The following CDH8 variants were observed in gnomAD, a reference collection of about 807,000 sequenced individuals.
The protein encoded by CDH8 is cadherin-8.
Under a neutral mutation model 68.1 loss-of-function variants are expected in CDH8, and 17 were observed. The ratio of observed to expected loss-of-function variants is 0.25; its 90% CI spans 0.17 to 0.37. The LOEUF (loss-of-function observed/expected upper bound fraction) is 0.37. Ranked by LOEUF, CDH8 falls within the 10% of genes least tolerant of loss-of-function variation. The probability of loss-of-function intolerance (pLI) is 1.00; values close to 1 mark genes in which losing one functional copy is unlikely to be tolerated. For synonymous variants in CDH8, 372 were observed against 365.1 expected, an observed-to-expected ratio of 1.02 and a Z score of -0.21; for missense variants, 763 against 999.3, an observed-to-expected ratio of 0.76 and a Z score of 3.19.
Position 61,768,428 on chromosome 16 carries a change from C to CT in CDH8, c.1414+20917_1414+20918insA, listed in dbSNP as rs781692069. ...TCTCTCTCTCTCTCTCTCTCTCTCT[C>CT]CCTCTCCCTCTCTCTCTCGCAGTGC... is the stretch of plus-strand genomic sequence containing the variant. On this transcript the variant is annotated intron_variant, in intron 8 of 11. Transcript: ENST00000577390. 7.1e-3 allele frequency among the ~76,000 whole-genome samples: 929 copies of CT among 130,738 alleles called. 13 individuals are homozygous for CT. Among genetic ancestry groups the CT allele is most frequent in the Non-Finnish European group, 7.8e-3 (489 of 62,514 alleles). 85.8% of individuals were successfully genotyped at this position (130,738 alleles called of 152,430 possible). A position where few individuals can be genotyped will look rare whatever the true frequency, so the allele number is the denominator to read the frequency against.
At chr16:61,762,269 T>A (rs973382012) in intron 8 of CDH8, among the ~76,000 whole-genome samples, 7 of 152,172 alleles carry the variant, frequency 4.6e-5, no homozygotes, top group Non-Finnish European at 1.0e-4. Flanking sequence ...GTAGACTGAA[T>A]CCATGTGAAT....
chr16:61,654,022 T>C lies in CDH8; in HGVS notation c.1986A>G (p.Glu662=), dbSNP rs1359829569. The change falls in exon 12 of 12, where the codon GAA becomes GAG. Residue 662 remains glutamate (E), a synonymous_variant. Coordinates refer to ENST00000577390, the MANE Select transcript of CDH8 (RefSeq NM_001796.5). ...CTTCATCATCGTAGCGAATGATGTT[T>C]TCTCGAACGTCTTCATCATCTTTGA... ...LIIKDDEDVR[E]NIIRYDDEGG... is the part of the protein sequence containing the mutation. The C allele has an allele frequency of 1.3e-5, 21 of 1,613,910 alleles. No individual in the cohort carries two copies. Among genetic ancestry groups the C allele is most frequent in the African/African-American group, 2.7e-5 (2 of 74,924 alleles).
intron 2 of CDH8, among the ~76,000 whole-genome samples, chr16:62,018,118 CTT>C (rs1901986148): frequency 6.6e-6 from 1 of 152,180 alleles, no homozygotes; most frequent in Admixed American, 6.5e-5. Context: ...CCTTGAAAAA[CTT>C]CAGTAACCTT....
intron 4 of CDH8, among the ~76,000 whole-genome samples, chr16:61,845,108 A>G (rs899899584): frequency 1.3e-5 from 2 of 152,148 alleles, no homozygotes; most frequent in African/African-American, 4.8e-5. Flanking sequence ...ATTACCAAAT[A>G]TTTTTACCAG....
chr16:61,716,963 T>A (rs1181316188), intron 9 of CDH8, among the ~76,000 whole-genome samples: 1 of 151,656 alleles, frequency 6.6e-6, no homozygotes, highest in Non-Finnish European at 1.5e-5. Context: ...TTCAAAGAAA[T>A]GTACCTTCAC....
intron 2 of CDH8, among the ~76,000 whole-genome samples, chr16:61,982,450 A>G (rs902718879): frequency 6.6e-6 from 1 of 151,802 alleles, no homozygotes; most frequent in East Asian, 1.9e-4. Flanking sequence ...CCATCTCCTG[A>G]CCTCGTGATC....
intron 2 of CDH8, among the ~76,000 whole-genome samples, chr16:62,005,459 CG>C (rs1420764198): frequency 2.0e-5 from 3 of 148,606 alleles, no homozygotes; most frequent in African/African-American, 7.5e-5. Context: ...CCAGGGAGGC[CG>C]GGTGCTGTGG....
intron 3 of CDH8, among the ~76,000 whole-genome samples, chr16:61,868,419 T>C (rs1597029658): frequency 1.3e-5 from 2 of 152,218 alleles, no homozygotes; most frequent in Admixed American, 6.5e-5. Context: ...ATGTGTTATG[T>C]CTACTGTTTT....
intron 3 of CDH8, among the ~76,000 whole-genome samples, chr16:61,862,678 A>G (rs1310349147): frequency 1.3e-5 from 2 of 152,184 alleles, no homozygotes; most frequent in East Asian, 3.9e-4. Context: ...CCATGGGGGA[A>G]AAAATGGATG....
intron 2 of CDH8, among the ~76,000 whole-genome samples, chr16:61,987,155 T>G (rs1965643529): frequency 2.0e-5 from 3 of 152,210 alleles, no homozygotes; most frequent in Admixed American, 2.0e-4. Context: ...GTGCTAAAAA[T>G]GTATTGGGTT....
At chr16:61,888,239 T>C (rs1427548834) in intron 3 of CDH8, among the ~76,000 whole-genome samples, 2 of 152,164 alleles carry the variant, frequency 1.3e-5, no homozygotes, top group East Asian at 3.9e-4. Context: ...AGGGCACCAG[T>C]TCTCCTGCAG....
intron 10 of CDH8, among the ~76,000 whole-genome samples, chr16:61,706,216 A>C (rs1964527658): frequency 6.6e-6 from 1 of 152,238 alleles, no homozygotes; most frequent in Admixed American, 6.5e-5. Flanking sequence ...CCCATAGATA[A>C]GGGAAGCCAA....
chr16:62,018,408 C>T (rs1014536208), intron 2 of CDH8, among the ~76,000 whole-genome samples: 2 of 152,150 alleles, frequency 1.3e-5, no homozygotes, highest in African/African-American at 4.8e-5. Context: ...GTAAGTAATG[C>T]TTCTCAGCCG....
At chr16:61,892,581 T>C (rs1034781049) in intron 3 of CDH8, among the ~76,000 whole-genome samples, 3 of 152,180 alleles carry the variant, frequency 2.0e-5, no homozygotes, top group Non-Finnish European at 4.4e-5. Context: ...CACCGATCTA[T>C]TCTGATATAA....
intron 8 of CDH8, among the ~76,000 whole-genome samples, chr16:61,777,144 T>C (rs1372782641): frequency 6.6e-6 from 1 of 152,080 alleles, no homozygotes; most frequent in African/African-American, 2.4e-5. Flanking sequence ...GATAACTTTA[T>C]TTTCTCCTCC....
intron 3 of CDH8, among the ~76,000 whole-genome samples, chr16:61,890,580 T>C (rs1446200289): frequency 6.6e-6 from 1 of 152,178 alleles, no homozygotes; most frequent in Non-Finnish European, 1.5e-5. Flanking sequence ...TGTTTACCTA[T>C]GGCGGTGGGG....
rs528831686 is a variant in CDH8, at chr16:61,918,955, G to C, written c.253-17482C>G. Among the ~76,000 whole-genome samples, 54 of 148,120 alleles carry C rather than the reference G, an allele frequency of 3.6e-4. 6 individuals carry two copies. In the South Asian group the frequency reaches 0.012, roughly 32 times the overall value. On this transcript the variant is annotated intron_variant, in intron 2 of 11. Transcript: ENST00000577390. ...AAGAGAGCAGTGGTTCTCCCAGCAC[G>C]CAGCTGGAGATCTGAGAACCGGCAG...
intron 10 of CDH8, among the ~76,000 whole-genome samples, chr16:61,701,804 C>T (rs1034687446): frequency 6.6e-6 from 1 of 152,136 alleles, no homozygotes; most frequent in Non-Finnish European, 1.5e-5. Flanking sequence ...TCCATGTCCA[C>T]GAAAGGTTAC....
At position 61,765,962 on chromosome 16, in the gene CDH8, CAT is replaced by C. The variant is rs762370515; in HGVS notation, c.1414+23382_1414+23383del. Among the ~76,000 whole-genome samples the C allele has an allele frequency of 4.6e-5, 7 of 151,922 alleles. No individual in the cohort carries two copies. In the East Asian group the frequency reaches 7.7e-4, roughly 17 times the overall value. On this transcript the variant is annotated intron_variant, in intron 8 of 11. Coordinates refer to ENST00000577390, the MANE Select transcript of CDH8 (RefSeq NM_001796.5). The stretch of plus-strand genomic sequence containing the variant: ...CCTTGAGGTAACCATTTCCTCTCTG[CAT>C]ATTTCAATTTTATTTATTTATTTAC...
Sources: allele counts gnomAD v4.1 joint callset (sites outside exome capture counted in the v4.1 genomes callset), GRCh38; gene constraint gnomAD v4.1.1; transcripts MANE v1.5; gene names NCBI Gene and HGNC (gene_info 2026-07-23, HGNC 2026-07-21).